The following TAF3 variants were observed in gnomAD, a reference collection of about 807,000 sequenced individuals.
TAF3 encodes transcription initiation factor TFIID subunit 3.
A neutral mutation model predicts 80.6 loss-of-function variants in TAF3; 7 were observed. That is an observed-to-expected ratio of 0.09 (90% CI 0.05 to 0.16). The LOEUF (loss-of-function observed/expected upper bound fraction) is 0.16. TAF3 is among the 10% of genes least tolerant of loss of function. The pLI, the probability that TAF3 is intolerant of heterozygous loss-of-function variation, is 1.00. For missense variants in TAF3, 921 were observed against 1,140.2 expected, an observed-to-expected ratio of 0.81 and a Z score of 2.77; for synonymous variants, 444 against 446.1, an observed-to-expected ratio of 1.00 and a Z score of 0.06.
chr10:7,883,031 T>C (rs886384673), intron 2 of TAF3, among the ~76,000 whole-genome samples: 4 of 152,230 alleles, frequency 2.6e-5, no homozygotes, highest in African/African-American at 9.6e-5. Flanking sequence ...TGGCTTCTCA[T>C]ATGTAACAGA....
intron 2 of TAF3, among the ~76,000 whole-genome samples, chr10:7,961,634 T>C (rs1255396262): frequency 6.6e-6 from 1 of 152,176 alleles, no homozygotes; most frequent in East Asian, 1.9e-4. Flanking sequence ...ATGGTGACTT[T>C]AGTTATCTCA....
At chr10:7,894,533 G>A (rs1026590961) in intron 2 of TAF3, among the ~76,000 whole-genome samples, 1 of 152,170 alleles carries the variant, frequency 6.6e-6, no homozygotes, top group Non-Finnish European at 1.5e-5. Flanking sequence ...TGGTTGAACT[G>A]TTAAAAGTAG....
intron 2 of TAF3, among the ~76,000 whole-genome samples, chr10:7,846,103 C>T (rs965407434): frequency 4.6e-5 from 7 of 151,826 alleles, no homozygotes; most frequent in East Asian, 3.9e-4. Context: ...GGACTACAGG[C>T]GCCCGCCACC....
rs1227661779 is a variant in TAF3 at position 7,980,255 on chromosome 10, AG to A, written c.2315+2935del. ...ATTAGGAAAAACGAAAAAGCTTTAC[AG>A]GGTTCAAATTATACCTTCTAGTTGG... On this transcript the variant is annotated intron_variant, in intron 4 of 6. Transcript: ENST00000344293. Among the ~76,000 whole-genome samples the A allele has an allele frequency of 1.3e-4, 20 of 152,230 alleles. 1 individual carries two copies. The highest frequency in any genetic ancestry group is 1.3e-4 in the Admixed American group (2 of 15,288).
intron 2 of TAF3, among the ~76,000 whole-genome samples, chr10:7,904,037 G>A (rs10795573): frequency 0.56 from 85,626 of 151,996 alleles, 25,920 homozygotes; most frequent in East Asian, 0.72. Flanking sequence ...GCAGAGTCCA[G>A]TGTACTTGGA....
intron 2 of TAF3, among the ~76,000 whole-genome samples, chr10:7,910,963 T>G (rs1489394905): frequency 6.6e-6 from 1 of 152,174 alleles, no homozygotes; most frequent in African/African-American, 2.4e-5. Context: ...GATGTAGAGC[T>G]CTGGACCCGC....
intron 2 of TAF3, among the ~76,000 whole-genome samples, chr10:7,933,346 C>T (rs1218390467): frequency 1.3e-5 from 2 of 152,160 alleles, no homozygotes; most frequent in Non-Finnish European, 2.9e-5. Flanking sequence ...CTCTGCATCT[C>T]CCCAGAGCAG....
At chr10:7,963,015 A>G (rs1286436491) in intron 2 of TAF3, among the ~76,000 whole-genome samples, 2 of 152,226 alleles carry the variant, frequency 1.3e-5, no homozygotes, top group Non-Finnish European at 2.9e-5. Context: ...AGAGGTTGAG[A>G]GAGTCCCTAA....
intron 1 of TAF3, among the ~76,000 whole-genome samples, chr10:7,822,381 A>G (rs981148488): frequency 1.8e-4 from 28 of 152,178 alleles, no homozygotes; most frequent in Admixed American, 7.9e-4. Flanking sequence ...AATAGCTTTA[A>G]TAGGAATAGA....
chr10:7,854,923 C>A (rs779545168), intron 2 of TAF3, among the ~76,000 whole-genome samples: 79 of 152,282 alleles, frequency 5.2e-4, no homozygotes, highest in Non-Finnish European at 9.6e-4. Flanking sequence ...CTTTTGACTT[C>A]TGGTTGAAGA....
intron 4 of TAF3, among the ~76,000 whole-genome samples, chr10:7,979,029 C>T (rs1327330195): frequency 1.4e-5 from 2 of 143,720 alleles, no homozygotes; most frequent in Admixed American, 6.9e-5. Context: ...GCAACAGAGC[C>T]AGATCCTGTC....
chr10:7,832,028 C>T (rs1005638314), intron 2 of TAF3, among the ~76,000 whole-genome samples: 18 of 151,990 alleles, frequency 1.2e-4, no homozygotes, highest in Admixed American at 3.9e-4. Flanking sequence ...AAATGCCTAT[C>T]GTTTTTTGTG....
chr10:7,858,493 A>G (rs1837105889), intron 2 of TAF3, among the ~76,000 whole-genome samples: 1 of 152,170 alleles, frequency 6.6e-6, no homozygotes, highest in Admixed American at 6.5e-5. Flanking sequence ...TTTTTTCACT[A>G]GTTCCGGATC....
intron 2 of TAF3, among the ~76,000 whole-genome samples, chr10:7,826,213 AC>A (rs1354232868): frequency 6.6e-6 from 1 of 152,146 alleles, no homozygotes; most frequent in Admixed American, 6.5e-5. Flanking sequence ...AGTGGGTTCT[AC>A]TGAATGATAC....
chr10:7,846,104 G>T (rs776030663), intron 2 of TAF3, among the ~76,000 whole-genome samples: 1 of 151,662 alleles, frequency 6.6e-6, no homozygotes, highest in Non-Finnish European at 1.5e-5. Flanking sequence ...GACTACAGGC[G>T]CCCGCCACCA....
At position 8,000,043 on chromosome 10, in the gene TAF3, G is replaced by T. The variant is rs183878604; in HGVS notation, c.2316-9035G>T. On this transcript the variant is annotated intron_variant, in intron 4 of 6. Transcript: ENST00000344293. ...ACAGAAAAGTGAATTAATTTTAAGT[G>T]TATAACTCAAGCCATCCTTAAAAAT... is the stretch of plus-strand genomic sequence containing the variant. Among the ~76,000 whole-genome samples the T allele has an allele frequency of 5.3e-5, 8 of 152,350 alleles. 1 individual carries two copies. The East Asian group carries it at 1.2e-3, about 22-fold the overall frequency.
At chr10:7,841,275 G>A (rs1282932822) in intron 2 of TAF3, among the ~76,000 whole-genome samples, 1 of 152,114 alleles carries the variant, frequency 6.6e-6, no homozygotes, top group African/African-American at 2.4e-5. Flanking sequence ...TCCTTCATTC[G>A]TCAAGGAGCT....
At chr10:7,852,415 A>G (rs140419135) in intron 2 of TAF3, among the ~76,000 whole-genome samples, 3,367 of 152,034 alleles carry the variant, frequency 0.022, 69 homozygotes, top group South Asian at 0.085. Context: ...ATTCTTTCTC[A>G]TTCTCTGTCT....
intron 4 of TAF3, among the ~76,000 whole-genome samples, chr10:7,985,319 G>C (rs1388158996): frequency 6.6e-6 from 1 of 152,106 alleles, no homozygotes; most frequent in Non-Finnish European, 1.5e-5. Context: ...CTCAGCTGCT[G>C]GCCTCCATTC....
Sources: allele counts gnomAD v4.1 joint callset (sites outside exome capture counted in the v4.1 genomes callset), GRCh38; gene constraint gnomAD v4.1.1; transcripts MANE v1.5; gene names NCBI Gene and HGNC (gene_info 2026-07-23, HGNC 2026-07-21).